SP4: variants seen among roughly 807,000 people sequenced by gnomAD.
The protein encoded by SP4 is Sp4 transcription factor, also known as transcription factor Sp4.
Under a neutral mutation model 72.8 loss-of-function variants are expected in SP4, and 19 were observed. That is an observed-to-expected ratio of 0.26 (90% CI 0.18 to 0.38). The LOEUF (loss-of-function observed/expected upper bound fraction) is 0.38, where lower values mean the gene tolerates loss of function less well. SP4 is among the 10% of genes least tolerant of loss of function. The probability of loss-of-function intolerance (pLI) is 1.00; values close to 1 mark genes in which losing one functional copy is unlikely to be tolerated. For synonymous variants in SP4, 395 were observed against 333.1 expected, an observed-to-expected ratio of 1.19 and a Z score of -2.02; for missense variants, 1,008 against 926.3, an observed-to-expected ratio of 1.09 and a Z score of -1.14.
chr7:21,491,165 G>T (rs1456333279), intron 5 of SP4, among the ~76,000 whole-genome samples: 1 of 152,182 alleles, frequency 6.6e-6, no homozygotes, highest in African/African-American at 2.4e-5. Flanking sequence ...AGATAAGCGT[G>T]ACTGAAATCA....
At chr7:21,493,127 G>A (rs928429938) in intron 5 of SP4, among the ~76,000 whole-genome samples, 2 of 151,866 alleles carry the variant, frequency 1.3e-5, no homozygotes, top group Non-Finnish European at 2.9e-5. Flanking sequence ...TGGAACCCTG[G>A]AGGTGGAGGT....
intron 3 of SP4, among the ~76,000 whole-genome samples, chr7:21,460,209 C>CA (rs970753040): frequency 2.6e-5 from 4 of 152,172 alleles, no homozygotes; most frequent in African/African-American, 9.7e-5. Flanking sequence ...CGGACCCTTG[C>CA]GGTGAGTGTT....
intron 5 of SP4, among the ~76,000 whole-genome samples, chr7:21,483,600 C>G (rs1272598598): frequency 2.0e-5 from 3 of 151,808 alleles, no homozygotes; most frequent in Non-Finnish European, 4.4e-5. Flanking sequence ...CTTTCTTAAA[C>G]AGCCCATTCT....
chr7:21,506,730 CAA>C (rs1361378229), intron 5 of SP4, among the ~76,000 whole-genome samples: 4 of 152,186 alleles, frequency 2.6e-5, no homozygotes, highest in African/African-American at 9.7e-5. Flanking sequence ...CTCTTAATTA[CAA>C]AGTTAACCTT....
rs1359545431 is a variant in SP4, at chr7:21,430,473, C to G, written c.1308C>G (p.Ile436Met). The G allele has an allele frequency of 6.2e-7, 1 of 1,614,036 alleles. No individual in the cohort carries two copies. Among genetic ancestry groups the G allele is most frequent in the African/African-American group, 1.3e-5 (1 of 74,922 alleles). The change falls in exon 3 of 6, where the codon ATC becomes ATG. Residue 436 changes from isoleucine to methionine, a missense_variant. Physicochemically the swap from Ile to Met is conservative, Grantham distance 10. This residue lies in a region of SP4 where 893 missense variants were observed against 743.3 expected (regional missense o/e 1.20). Coordinates refer to ENST00000222584, the MANE Select transcript of SP4 (RefSeq NM_003112.5). ...AGTCAGGGCAGACGATTCAGACCAT[C>G]CAGCAGCAGCCTTTACAGAATGTTC... ...QLQSGQTIQT[I>M]QQQPLQNVQL...
At chr7:21,475,385 A>G (rs1021256111) in intron 3 of SP4, among the ~76,000 whole-genome samples, 1 of 151,750 alleles carries the variant, frequency 6.6e-6, no homozygotes, top group Non-Finnish European at 1.5e-5. Flanking sequence ...AAGTGCTGGG[A>G]TTACAGGCCT....
At chr7:21,498,221 A>G (rs1781773500) in intron 5 of SP4, among the ~76,000 whole-genome samples, 1 of 152,344 alleles carries the variant, frequency 6.6e-6, no homozygotes, top group South Asian at 2.1e-4. Context: ...TAAAAATAAT[A>G]TAACAACTAT....
In SP4 at chr7:21,428,242, TTAATGCGGGATGA is replaced by T; in HGVS notation, c.-9_4del. 1.5e-6 allele frequency: 2 copies of T among 1,301,820 alleles called. No individual in the cohort carries two copies. The highest frequency in any genetic ancestry group is 2.0e-6 in the Non-Finnish European group (2 of 980,936). The allele number at this position is 1,301,820 out of a possible 1,614,324, so 80.6% of individuals were successfully genotyped here. ...TGTCTCCGTCTGAGGGTTTGTCCTG[TTAATGCGGGATGA>T]GCGGTACGTATTCTCCACCCCCCTC... On this transcript the variant is annotated start_lost and 5_prime_UTR_variant, in exon 1 of 6. Coordinates refer to ENST00000222584, the MANE Select transcript of SP4 (RefSeq NM_003112.5).
chr7:21,482,108 A>T lies in SP4; in HGVS notation c.2092A>T (p.Arg698Ter), dbSNP rs1562617337. The T allele has an allele frequency of 6.2e-7, 1 of 1,613,644 alleles. No homozygotes were observed. The highest frequency in any genetic ancestry group is 8.5e-7 in the Non-Finnish European group (1 of 1,179,650). The change falls in exon 5 of 6, where the codon AGA becomes TGA. Residue 698 changes from arginine (R) to a stop codon, truncating the protein, a stop_gained. Transcript: ENST00000222584. LOFTEE classifies it high-confidence loss of function. ...ACGGAGTGATGAGCTCCAGAGACAT[A>T]GAAGAACCCATACAGGTTAGTTGAT... ...FTRSDELQRH[R>*]RTHTGEKRFE... is the part of the protein sequence containing the mutation.
At chr7:21,490,914 C>T (rs753865949) in intron 5 of SP4, among the ~76,000 whole-genome samples, 18 of 152,332 alleles carry the variant, frequency 1.2e-4, no homozygotes, top group East Asian at 5.8e-4. Context: ...TGAACCTAAA[C>T]GGGTTGAGTG....
At chr7:21,462,031 T>G (rs1784008143) in intron 3 of SP4, among the ~76,000 whole-genome samples, 1 of 149,242 alleles carries the variant, frequency 6.7e-6, no homozygotes, top group Non-Finnish European at 1.5e-5. Context: ...GTTTTAGTTT[T>G]TTTTTTTTTT....
At chr7:21,450,698 T>A (rs1783563186) in intron 3 of SP4, among the ~76,000 whole-genome samples, 1 of 152,208 alleles carries the variant, frequency 6.6e-6, no homozygotes, top group Non-Finnish European at 1.5e-5. Flanking sequence ...GGAAGTTAAC[T>A]CTCTGCCCAG....
chr7:21,486,769 T>C lies in SP4; in HGVS notation c.2107+4646T>C, dbSNP rs192252952. Among the ~76,000 whole-genome samples, 64 of 152,308 alleles carry C rather than the reference T, an allele frequency of 4.2e-4. No individual in the cohort carries two copies. In the East Asian group the frequency reaches 0.011, roughly 27 times the overall value. ...ACAGTTTCTCTCTTTCCATATTGTTTGTTAGAAGCAAGTCACTAAGTTCAG... is the reference window on the plus strand; with the variant it reads ...ACAGTTTCTCTCTTTCCATATTGTTCGTTAGAAGCAAGTCACTAAGTTCAG... On this transcript the variant is annotated intron_variant, in intron 5 of 5. Transcript: ENST00000222584.
In SP4 at chr7:21,460,417, C is replaced by T. The variant is rs1783921761; in HGVS notation, c.1679-16662C>T. ...CCCGGTGGGTTCGTGGTCTCGCTGGCTTCAGGAGTGAAGCTGCAGACCTTC... is the reference window on the plus strand; with the variant it reads ...CCCGGTGGGTTCGTGGTCTCGCTGGTTTCAGGAGTGAAGCTGCAGACCTTC... On this transcript the variant is annotated intron_variant, in intron 3 of 5. Coordinates refer to ENST00000222584, the MANE Select transcript of SP4 (RefSeq NM_003112.5). 3.3e-5 allele frequency among the ~76,000 whole-genome samples: 5 copies of T among 150,758 alleles called. 1 individual carries two copies. The highest frequency in any genetic ancestry group is 3.3e-4 in the Admixed American group (5 of 15,096).
chr7:21,445,806 A>G (rs917379890), intron 3 of SP4, among the ~76,000 whole-genome samples: 1 of 152,140 alleles, frequency 6.6e-6, no homozygotes. Flanking sequence ...TTCCCTGAAA[A>G]GTTTTAAAAG....
chr7:21,469,671 A>G (rs1475713922), intron 3 of SP4, among the ~76,000 whole-genome samples: 4 of 151,462 alleles, frequency 2.6e-5, no homozygotes, highest in Non-Finnish European at 4.4e-5. Context: ...CCTACCAAGT[A>G]GCTGGGACTA....
chr7:21,442,325 C>T (rs1363763937), intron 3 of SP4, among the ~76,000 whole-genome samples: 1 of 151,902 alleles, frequency 6.6e-6, no homozygotes, highest in Non-Finnish European at 1.5e-5. Context: ...CAGGCGTAAG[C>T]CACCACGCCT....
chr7:21,506,033 C>G (rs1308170336), intron 5 of SP4, among the ~76,000 whole-genome samples: 2 of 152,184 alleles, frequency 1.3e-5, no homozygotes, highest in South Asian at 2.1e-4. Context: ...TGTCCTTCCT[C>G]TATTCCTAAT....
Position 21,481,921 on chromosome 7 carries a change from T to C in SP4, c.1908-3T>C, listed in dbSNP as rs748852935. The C allele has an allele frequency of 6.2e-6, 10 of 1,611,890 alleles. No individual in the cohort carries two copies. The East Asian group carries it at 2.2e-4, about 36-fold the overall frequency. ...ATTAATGTTCGGTTTTTGTTTTTGC[T>C]AGAGGCAGTAATGAACCAGGAAAAA... On this transcript the variant is annotated splice_polypyrimidine_tract_variant and splice_region_variant and intron_variant, in intron 4 of 5. Transcript: ENST00000222584.
Sources: gnomAD v4.1 joint callset for allele counts (sites outside exome capture counted in the v4.1 genomes callset) on GRCh38, gnomAD v4.1.1 for gene constraint, gnomAD v4.1.1 regional missense constraint, MANE v1.5 for transcripts, NCBI Gene and HGNC (gene_info 2026-07-23, HGNC 2026-07-21) for gene names.